Variants in GNAQ observed in about 807,000 individuals in gnomAD.
GNAQ encodes G protein subunit alpha q, also known as guanine nucleotide-binding protein G(q) subunit alpha.
GNAQ carries 8 observed loss-of-function variants against 43.9 expected under a neutral mutation model. The ratio of observed to expected loss-of-function variants is 0.18; its 90% CI spans 0.11 to 0.33. The LOEUF (loss-of-function observed/expected upper bound fraction) is 0.33. Among genes scored for constraint, GNAQ ranks in the 10% least tolerant of loss-of-function variants. GNAQ has a pLI of 1.00. For missense variants in GNAQ, 158 were observed against 450.8 expected, an observed-to-expected ratio of 0.35 and a Z score of 5.88; for synonymous variants, 155 against 170.7, an observed-to-expected ratio of 0.91 and a Z score of 0.71.
intron 2 of GNAQ, among the ~76,000 whole-genome samples, chr9:77,907,362 C>G (rs192202934): frequency 6.6e-6 from 1 of 151,966 alleles, no homozygotes; most frequent in African/African-American, 2.4e-5. Context: ...CAACCCAGAA[C>G]AGCAGGAAAG....
At chr9:77,748,492 C>G (rs767445408) in intron 5 of GNAQ, among the ~76,000 whole-genome samples, 10 of 152,306 alleles carry the variant, frequency 6.6e-5, no homozygotes, top group Middle Eastern at 3.4e-3. Context: ...CTTCTGCAAG[C>G]ACTACAGTAA....
intron 2 of GNAQ, among the ~76,000 whole-genome samples, chr9:77,886,191 T>A (rs999341013): frequency 3.3e-5 from 5 of 152,166 alleles, no homozygotes; most frequent in African/African-American, 1.2e-4. Flanking sequence ...GATCTTGAAC[T>A]CTTAACCTCT....
chr9:77,716,971 C>T lies in GNAQ; in HGVS notation c.*4352G>A, dbSNP rs1472103523. ...GCTATTCTGTGAGAAAAACAAATGA[C>T]AAGTTTAGGGTCTGTACTAAGTTAT... is the stretch of plus-strand genomic sequence containing the variant. On this transcript the variant is annotated 3_prime_UTR_variant, in exon 7 of 7. Coordinates refer to ENST00000286548, the MANE Select transcript of GNAQ (RefSeq NM_002072.5). 3 of 232,604 alleles carry T rather than the reference C, an allele frequency of 1.3e-5. No individual in the cohort carries two copies. Among genetic ancestry groups the T allele is most frequent in the Middle Eastern group, 1.2e-3 (1 of 804 alleles). 14.4% of individuals were successfully genotyped at this position (232,604 alleles called of 1,614,324 possible). A position where few individuals can be genotyped will look rare whatever the true frequency, so the allele number is the denominator to read the frequency against.
intron 2 of GNAQ, among the ~76,000 whole-genome samples, chr9:77,887,833 T>C (rs75865906): frequency 6.6e-6 from 1 of 152,362 alleles, no homozygotes; most frequent in East Asian, 1.9e-4. Context: ...AAGGCTTCTT[T>C]CTGTTGCACT....
At chr9:77,761,515 G>A (rs1485897636) in intron 5 of GNAQ, among the ~76,000 whole-genome samples, 33 of 133,548 alleles carry the variant, frequency 2.5e-4, no homozygotes, top group African/African-American at 3.4e-4. Context: ...TCAGCCCCCC[G>A]CCCGGCCAGC....
chr9:77,939,293 C>A (rs1171074954), intron 1 of GNAQ, among the ~76,000 whole-genome samples: 1 of 152,196 alleles, frequency 6.6e-6, no homozygotes, highest in Non-Finnish European at 1.5e-5. Context: ...TTTCCAAATT[C>A]TATTAATGCA....
chr9:77,728,757 A>C, intron 5 of GNAQ, 90 bp from the exon 6 acceptor site: 1 of 878,286 alleles, frequency 1.1e-6, no homozygotes, highest in South Asian at 1.6e-5. Context: ...AGTCCAACCC[A>C]TCTTTTGTAT....
intron 3 of GNAQ, among the ~76,000 whole-genome samples, chr9:77,809,457 G>A (rs1325634225): frequency 1.3e-5 from 2 of 152,180 alleles, no homozygotes; most frequent in Non-Finnish European, 2.9e-5. Flanking sequence ...GTATATTAAA[G>A]CAGGTGGTGA....
chr9:77,957,927 A>C (rs1021945663), intron 1 of GNAQ, among the ~76,000 whole-genome samples: 13 of 152,212 alleles, frequency 8.5e-5, no homozygotes, highest in African/African-American at 3.1e-4. Flanking sequence ...GTGGCAACTT[A>C]AAGAAGAGAC....
At chr9:77,903,613 G>C (rs1428614866) in intron 2 of GNAQ, among the ~76,000 whole-genome samples, 1 of 152,168 alleles carries the variant, frequency 6.6e-6, no homozygotes, top group Non-Finnish European at 1.5e-5. Context: ...AGGCAGGCAA[G>C]TGATTCTCCT....
intron 5 of GNAQ, among the ~76,000 whole-genome samples, chr9:77,742,990 T>C (rs1825676760): frequency 6.6e-6 from 1 of 152,212 alleles, no homozygotes; most frequent in Non-Finnish European, 1.5e-5. Context: ...CTGGGCGCCG[T>C]GGCTCACGCC....
intron 4 of GNAQ, 98 bp downstream of exon 4, chr9:77,797,422 G>T: frequency 1.1e-6 from 1 of 885,290 alleles, no homozygotes; most frequent in Non-Finnish European, 1.9e-6. Context: ...AGCCTATCTT[G>T]TTTTGAAGCC....
At chr9:77,868,996 G>C (rs1258962742) in intron 2 of GNAQ, among the ~76,000 whole-genome samples, 1 of 147,218 alleles carries the variant, frequency 6.8e-6, no homozygotes, top group African/African-American at 2.7e-5. Flanking sequence ...TGCGGGGGAG[G>C]GGGGAAGAAA....
chr9:77,837,212 A>T (rs1827403398), intron 2 of GNAQ, among the ~76,000 whole-genome samples: 1 of 152,156 alleles, frequency 6.6e-6, no homozygotes, highest in Non-Finnish European at 1.5e-5. Context: ...TATTAGCCTA[A>T]TATTGATGAC....
At chr9:77,977,158 C>A (rs1193890863) in intron 1 of GNAQ, among the ~76,000 whole-genome samples, 1 of 151,988 alleles carries the variant, frequency 6.6e-6, no homozygotes, top group Non-Finnish European at 1.5e-5. Context: ...TGGATAAAGG[C>A]AACTATTTAT....
At chr9:78,011,652 T>C (rs1823773993) in intron 1 of GNAQ, among the ~76,000 whole-genome samples, 1 of 152,160 alleles carries the variant, frequency 6.6e-6, no homozygotes, top group Non-Finnish European at 1.5e-5. Flanking sequence ...ATCTGAAGCA[T>C]CAAAGAGATA....
At chr9:77,772,173 G>GTAAA (rs1826231895) in intron 5 of GNAQ, among the ~76,000 whole-genome samples, 1 of 151,912 alleles carries the variant, frequency 6.6e-6, no homozygotes, top group African/African-American at 2.4e-5. Flanking sequence ...CCACACACAT[G>GTAAA]TAAATATAAT....
intron 1 of GNAQ, among the ~76,000 whole-genome samples, chr9:77,946,926 T>C (rs1483426210): frequency 6.6e-6 from 1 of 152,258 alleles, no homozygotes; most frequent in Non-Finnish European, 1.5e-5. Context: ...AGGTAGAGCC[T>C]GACTGCCACA....
chr9:77,773,063 G>A (rs919836991), intron 5 of GNAQ, among the ~76,000 whole-genome samples: 3 of 152,186 alleles, frequency 2.0e-5, no homozygotes, highest in Non-Finnish European at 2.9e-5. Context: ...ATTAGTAGCT[G>A]TATCTTAAAA....
Sources: allele counts gnomAD v4.1 joint callset (sites outside exome capture counted in the v4.1 genomes callset), GRCh38; gene constraint gnomAD v4.1.1; transcripts MANE v1.5; gene names NCBI Gene and HGNC (gene_info 2026-07-23, HGNC 2026-07-21).